Variants in CAPN7 observed in about 807,000 individuals in gnomAD.
The protein encoded by CAPN7 is calpain 7, also known as calpain-7.
CAPN7 carries 72 observed loss-of-function variants against 115.2 expected under a neutral mutation model. The ratio of observed to expected loss-of-function variants is 0.63; its 90% CI spans 0.52 to 0.76. The LOEUF (loss-of-function observed/expected upper bound fraction) is 0.76, where lower values mean the gene tolerates loss of function less well. Ranked by LOEUF, CAPN7 falls within the 30% of genes least tolerant of loss-of-function variation. The pLI is 0.00. For synonymous variants in CAPN7, 344 were observed against 322.3 expected, an observed-to-expected ratio of 1.07 and a Z score of -0.72; for missense variants, 905 against 971.5, an observed-to-expected ratio of 0.93 and a Z score of 0.91.
At position 15,218,456 on chromosome 3, in the gene CAPN7, T is replaced by C. The variant is rs1253492466; in HGVS notation, c.370-17T>C. ...ATAATTATGCTTTAAAATGTCTGTC[T>C]CTTTCTTTCTCTTAAGTCTTATGAA... On this transcript the variant is annotated splice_polypyrimidine_tract_variant and intron_variant, in intron 3 of 20. Transcript: ENST00000253693. The C allele has an allele frequency of 1.3e-6, 2 of 1,579,384 alleles. No homozygotes were observed. The highest frequency in any genetic ancestry group is 1.8e-5 in the Admixed American group (1 of 57,060).
intron 1 of CAPN7, among the ~76,000 whole-genome samples, chr3:15,209,261 C>T (rs896725226): frequency 6.6e-6 from 1 of 152,190 alleles, no homozygotes; most frequent in Non-Finnish European, 1.5e-5. Context: ...CCACCTGCCT[C>T]GGCTTCCCAA....
intron 5 of CAPN7, among the ~76,000 whole-genome samples, chr3:15,222,000 ATATACGTATATAGTATACG>A (rs917000627): frequency 8.6e-5 from 13 of 151,776 alleles, no homozygotes; most frequent in Admixed American, 3.9e-4. Context: ...ATACGTATAC[ATATACGTATATAGTATACG>A]TATACGTATA....
At position 15,251,211 on chromosome 3, in the gene CAPN7, T is replaced by G; in HGVS notation, c.2393T>G (p.Phe798Cys). 2 of 1,611,196 alleles carry G rather than the reference T, an allele frequency of 1.2e-6. No homozygotes were observed. The highest frequency in any genetic ancestry group is 1.7e-6 in the Non-Finnish European group (2 of 1,178,796). ...TTGCCTAAACAAGAAGGACCTTTTT[T>G]CTTGGACTTTAATAGTATTATCCCC... is the stretch of plus-strand genomic sequence containing the variant. ...TFLPKQEGPF[F>C]LDFNSIIPIK... The change falls in exon 21 of 21, where the codon TTC (phenylalanine) becomes TGC (cysteine). Residue 798 changes from phenylalanine to cysteine, a missense_variant. Physicochemically the swap from Phe to Cys is radical, Grantham distance 205 (BLOSUM62 -2). Coordinates refer to ENST00000253693, the MANE Select transcript of CAPN7 (RefSeq NM_014296.3).
At chr3:15,218,584 T>A in intron 4 of CAPN7, 44 bp downstream of exon 4, 1 of 1,379,014 alleles carries the variant, frequency 7.3e-7, no homozygotes, top group Middle Eastern at 1.8e-4. Context: ...TGGCACTTAG[T>A]GTTATTTAAA....
At chr3:15,233,562 C>T (rs1016460465) in intron 10 of CAPN7, among the ~76,000 whole-genome samples, 5 of 152,196 alleles carry the variant, frequency 3.3e-5, no homozygotes, top group African/African-American at 4.8e-5. Context: ...CAAGAACTCA[C>T]TAAAGGACTT....
intron 11 of CAPN7, among the ~76,000 whole-genome samples, chr3:15,234,189 A>G (rs1056741030): frequency 2.6e-5 from 4 of 152,076 alleles, no homozygotes; most frequent in Non-Finnish European, 4.4e-5. Flanking sequence ...GGTGGCAGGC[A>G]CCTGTAATCC....
At chr3:15,235,254 A>G in intron 12 of CAPN7, 109 bp downstream of exon 12, 1 of 983,254 alleles carries the variant, frequency 1.0e-6, no homozygotes, top group Non-Finnish European at 1.5e-6. Flanking sequence ...GTTTAAGTGG[A>G]GTTTATAAAC....
intron 19 of CAPN7, among the ~76,000 whole-genome samples, chr3:15,249,006 C>CAAAAAAAAAAAAAAAAAA (rs1460568964): frequency 1.6e-4 from 8 of 50,706 alleles, no homozygotes; most frequent in Admixed American, 2.2e-4. Flanking sequence ...ATACAACAAC[C>CAAAAAAAAAAAAAAAAAA]AAAAAAAAAA....
intron 12 of CAPN7, among the ~76,000 whole-genome samples, chr3:15,239,642 A>C (rs977906173): frequency 1.3e-5 from 2 of 152,222 alleles, no homozygotes; most frequent in Non-Finnish European, 2.9e-5. Flanking sequence ...AATTCAAAGT[A>C]ATTAAAAGAA....
Position 15,232,156 on chromosome 3 carries a change from C to G in CAPN7, c.1033-363C>G, listed in dbSNP as rs772795486. ...CTCTAATCTGAAAATCCAAAACACTCCAGTAAGTATTTCCTTTGAGCATCA... is the reference window on the plus strand; with the variant it reads ...CTCTAATCTGAAAATCCAAAACACTGCAGTAAGTATTTCCTTTGAGCATCA... On this transcript the variant is annotated intron_variant, in intron 9 of 20. Transcript: ENST00000253693. 4.5e-4 allele frequency: 184 copies of G among 404,620 alleles called. 1 individual carries two copies. The highest frequency in any genetic ancestry group is 1.9e-3 in the Middle Eastern group (5 of 2,642). 25.1% of individuals were successfully genotyped at this position (404,620 alleles called of 1,614,324 possible). A position where few individuals can be genotyped will look rare whatever the true frequency, so the allele number is the denominator to read the frequency against.
At chr3:15,219,597 C>G (rs762827313) in intron 4 of CAPN7, among the ~76,000 whole-genome samples, 1 of 152,158 alleles carries the variant, frequency 6.6e-6, no homozygotes, top group Non-Finnish European at 1.5e-5. Flanking sequence ...GCACCCTAAG[C>G]AAAGGGTGGG....
chr3:15,214,363 G>T (rs917919965), intron 2 of CAPN7, among the ~76,000 whole-genome samples: 1 of 152,162 alleles, frequency 6.6e-6, no homozygotes, highest in African/African-American at 2.4e-5. Context: ...AAGATAGTCT[G>T]CTGACAGTTA....
At chr3:15,234,307 A>G (rs890983840) in intron 11 of CAPN7, among the ~76,000 whole-genome samples, 3 of 152,158 alleles carry the variant, frequency 2.0e-5, no homozygotes, top group African/African-American at 7.2e-5. Context: ...CAAGAGCAAA[A>G]CTCCATCTCA....
At position 15,208,525 on chromosome 3, in the gene CAPN7, G is replaced by A. The variant is rs545635458; in HGVS notation, c.102+1928G>A. ...TTGCCCAGGCTGGTTTCGAACTCCTGGGTCAAGCGATCTTCCTGCCTCAGT... is the reference window on the plus strand; with the variant it reads ...TTGCCCAGGCTGGTTTCGAACTCCTAGGTCAAGCGATCTTCCTGCCTCAGT... On this transcript the variant is annotated intron_variant, in intron 1 of 20. Coordinates refer to ENST00000253693, the MANE Select transcript of CAPN7 (RefSeq NM_014296.3). Among the ~76,000 whole-genome samples the A allele has an allele frequency of 4.8e-5, 7 of 146,074 alleles. 1 individual carries two copies. In the South Asian group the frequency reaches 1.5e-3, roughly 31 times the overall value.
rs780563309 is a variant in CAPN7 at position 15,212,099 on chromosome 3, T to C, written c.103-5T>C. ...TTGGATTCCTTTGAATTCTTTCATTTTTAGGAAGCTGCACAAGCCTTAATT... is the reference window on the plus strand; with the variant it reads ...TTGGATTCCTTTGAATTCTTTCATTCTTAGGAAGCTGCACAAGCCTTAATT... On this transcript the variant is annotated splice_polypyrimidine_tract_variant and splice_region_variant and intron_variant, in intron 1 of 20. Transcript: ENST00000253693. The C allele has an allele frequency of 2.5e-6, 4 of 1,577,674 alleles. No homozygotes were observed. The highest frequency in any genetic ancestry group is 3.4e-6 in the Non-Finnish European group (4 of 1,161,518).
intron 3 of CAPN7, 129 bp downstream of exon 3, chr3:15,217,711 A>G (rs1360345714): frequency 3.1e-6 from 2 of 646,008 alleles, no homozygotes; most frequent in Non-Finnish European, 2.4e-6. Context: ...AAATGTAACA[A>G]CTACTCCTCA....
intron 12 of CAPN7, among the ~76,000 whole-genome samples, chr3:15,238,849 A>ATTTTTTTTTTTTTT (rs59838740): frequency 1.1e-4 from 12 of 114,012 alleles, no homozygotes; most frequent in African/African-American, 3.5e-4. Flanking sequence ...GCAAAATCAA[A>ATTTTTTTTTTTTTT]TTTTTTTTTT....
At chr3:15,220,323 A>G (rs1693899020) in intron 4 of CAPN7, among the ~76,000 whole-genome samples, 1 of 152,150 alleles carries the variant, frequency 6.6e-6, no homozygotes, top group Admixed American at 6.5e-5. Flanking sequence ...CAGGTGAACA[A>G]CTCTGCAGCT....
At chr3:15,223,587 A>T (rs780948356) in intron 6 of CAPN7, 26 bp downstream of exon 6, 7 of 1,333,102 alleles carry the variant, frequency 5.3e-6, no homozygotes, top group Non-Finnish European at 7.4e-6. Flanking sequence ...TGCAATTTTT[A>T]ACTCCAATAT....
Sources: allele counts gnomAD v4.1 joint callset (sites outside exome capture counted in the v4.1 genomes callset), GRCh38; gene constraint gnomAD v4.1.1; transcripts MANE v1.5; gene names NCBI Gene and HGNC (gene_info 2026-07-23, HGNC 2026-07-21).